The following TCF20 variants were observed in gnomAD, a reference collection of about 807,000 sequenced individuals.
The protein encoded by TCF20 is transcription factor 20, also known as SPRE-binding protein.
A neutral mutation model predicts 148.6 loss-of-function variants in TCF20; 3 were observed. That is an observed-to-expected ratio of 0.02 (90% confidence interval 0.01 to 0.05). The LOEUF (loss-of-function observed/expected upper bound fraction) is 0.05, where lower values mean the gene tolerates loss of function less well. TCF20 is among the 10% of genes least tolerant of loss of function. The probability of loss-of-function intolerance (pLI) is 1.00; values close to 1 mark genes in which losing one functional copy is unlikely to be tolerated. For missense variants in TCF20, 2,350 were observed against 2,429.3 expected (o/e 0.97, Z 0.69); for synonymous variants, 1,049 against 909.5 (o/e 1.15, Z -2.76).
At chr22:42,265,062 T>C (rs565187816) in intron 1 of TCF20, among the ~76,000 whole-genome samples, 2 of 152,376 alleles carry the variant, frequency 1.3e-5, no homozygotes, top group South Asian at 2.1e-4. Flanking sequence ...GCCACGGATA[T>C]ACCAGCTAAC....
In TCF20 at chr22:42,215,268, T is replaced by C. The variant is rs777252217; in HGVS notation, c.38A>G (p.Asn13Ser). Reference protein sequence around the residue: ...SFREQSSYHGNQQSYPQEVHG... With the variant: ...SFREQSSYHGSQQSYPQEVHG... ...TACCTCCTGTGGGTAGCTTTGCTGG[T>C]TTCCGTGGTAACTGCTTTGCTCCCG... The change falls in exon 2 of 6, where the codon AAC (asparagine) becomes AGC (serine). Residue 13 changes from asparagine to serine, a missense_variant. Coordinates refer to ENST00000677622, the MANE Select transcript of TCF20 (RefSeq NM_001378418.1). 8 of 1,614,070 alleles carry C rather than the reference T, an allele frequency of 5.0e-6. No individual in the cohort carries two copies. The South Asian group carries it at 7.7e-5, about 16-fold the overall frequency.
intron 1 of TCF20, among the ~76,000 whole-genome samples, chr22:42,245,201 C>CT (rs1351548373): frequency 6.6e-6 from 1 of 152,110 alleles, no homozygotes; most frequent in Non-Finnish European, 1.5e-5. Flanking sequence ...TCCCTTACTC[C>CT]TTTTTTTCTC....
intron 1 of TCF20, among the ~76,000 whole-genome samples, chr22:42,239,536 C>T (rs1226481538): frequency 6.6e-6 from 1 of 151,998 alleles, no homozygotes; most frequent in African/African-American, 2.4e-5. Context: ...GCCTGTAATC[C>T]CAGCACTTTG....
At chr22:42,288,060 C>T (rs1927063704), upstream of TCF20, among the ~76,000 whole-genome samples, 1 of 152,144 alleles carries the variant, frequency 6.6e-6, no homozygotes, top group South Asian at 2.1e-4. Context: ...ACAGAAAGCC[C>T]TCTTGAGCTC....
intron 3 of TCF20, among the ~76,000 whole-genome samples, chr22:42,174,771 C>T (rs945558209): frequency 5.3e-5 from 8 of 151,626 alleles, no homozygotes; most frequent in Non-Finnish European, 1.0e-4. Context: ...CGCGGTGGCT[C>T]ACGCCTGTAA....
chr22:42,294,664 C>G (rs754775949), intron 1 of TCF20, among the ~76,000 whole-genome samples: 9 of 152,194 alleles, frequency 5.9e-5, no homozygotes, highest in Non-Finnish European at 1.3e-4. Context: ...CTGGCAGGGA[C>G]TTGATGGAGA....
At chr22:42,339,136 G>A (rs1053569631) in intron 1 of TCF20, among the ~76,000 whole-genome samples, 8 of 152,174 alleles carry the variant, frequency 5.3e-5, no homozygotes, top group Non-Finnish European at 8.8e-5. Flanking sequence ...GACACACAGC[G>A]AAGCCACAGG....
At chr22:42,306,057 T>C (rs1012051450) in intron 1 of TCF20, among the ~76,000 whole-genome samples, 1 of 152,116 alleles carries the variant, frequency 6.6e-6, no homozygotes, top group African/African-American at 2.4e-5. Flanking sequence ...CATCTGAACA[T>C]GGGAAAAACC....
At chr22:42,194,187 TAAAC>T (rs1369172106) in intron 2 of TCF20, among the ~76,000 whole-genome samples, 2 of 152,184 alleles carry the variant, frequency 1.3e-5, no homozygotes, top group African/African-American at 2.4e-5. Flanking sequence ...TGGAAGATCT[TAAAC>T]AGAGAATCTT....
Position 42,242,202 on chromosome 22 carries a change from C to CAAA in TCF20, c.-36-26864_-36-26862dup, listed in dbSNP as rs151190006. On this transcript the variant is annotated intron_variant, in intron 1 of 5. Coordinates refer to ENST00000677622, the MANE Select transcript of TCF20 (RefSeq NM_001378418.1). ...TGGGCGACAGAGCGAGACTTCGCCT[C>CAAA]AAAAAAAAAAAAAAAAAAAAAAAAA... Among the ~76,000 whole-genome samples, 346 of 59,714 alleles carry CAAA rather than the reference C, an allele frequency of 5.8e-3. 17 individuals carry two copies. Among genetic ancestry groups the CAAA allele is most frequent in the African/African-American group, 0.025 (276 of 11,004 alleles). The allele number at this position is 59,714 out of a possible 152,430, so 39.2% of individuals were successfully genotyped here.
At chr22:42,303,899 G>A (rs1927385091) in intron 1 of TCF20, among the ~76,000 whole-genome samples, 1 of 151,772 alleles carries the variant, frequency 6.6e-6, no homozygotes, top group African/African-American at 2.4e-5. Context: ...GGGGGAGAGG[G>A]GAGAGAGAGA....
intron 5 of TCF20, among the ~76,000 whole-genome samples, chr22:42,162,932 C>A (rs1386338023): frequency 6.6e-6 from 1 of 152,162 alleles, no homozygotes; most frequent in East Asian, 1.9e-4. Context: ...GGCACAACAT[C>A]ACCACAGACA....
At chr22:42,225,856 G>T (rs1922841838) in intron 1 of TCF20, among the ~76,000 whole-genome samples, 1 of 152,126 alleles carries the variant, frequency 6.6e-6, no homozygotes, top group Non-Finnish European at 1.5e-5. Flanking sequence ...CAGTGCCCAG[G>T]CAAGTGTGCA....
intron 1 of TCF20, among the ~76,000 whole-genome samples, chr22:42,327,747 G>C (rs983890396): frequency 6.6e-6 from 1 of 151,376 alleles, no homozygotes; most frequent in Non-Finnish European, 1.5e-5. Context: ...GGACATTCCA[G>C]ATTCACAGAA....
Position 42,211,358 on chromosome 22 carries a change from G to A in TCF20, c.3948C>T (p.Ser1316=). 2 of 1,614,170 alleles carry A rather than the reference G, an allele frequency of 1.2e-6. No individual in the cohort carries two copies. The highest frequency in any genetic ancestry group is 1.6e-4 in the Middle Eastern group (1 of 6,062). The change falls in exon 2 of 6, where the codon TCC becomes TCT. Residue 1316 remains serine, a synonymous_variant. Coordinates refer to ENST00000677622, the MANE Select transcript of TCF20 (RefSeq NM_001378418.1). The part of the protein sequence containing the change: ...QDIKSIPKRD[S]SKDLPSPDSR... ...TATCTGGACTTGGAAGGTCCTTGGAGGAATCTCTCTTAGGGATAGACTTGA... is the reference window on the plus strand; with the variant it reads ...TATCTGGACTTGGAAGGTCCTTGGAAGAATCTCTCTTAGGGATAGACTTGA...
At chr22:42,328,818 C>A (rs905549264) in intron 1 of TCF20, among the ~76,000 whole-genome samples, 3 of 152,338 alleles carry the variant, frequency 2.0e-5, no homozygotes, top group African/African-American at 7.2e-5. Context: ...GGGGGGAAAG[C>A]CCCCACCCCA....
intron 2 of TCF20, among the ~76,000 whole-genome samples, chr22:42,206,133 C>T (rs16986035): frequency 0.29 from 44,788 of 152,000 alleles, 7,097 homozygotes; most frequent in East Asian, 0.64. Context: ...AGCCTGATTA[C>T]TGATTATCAA....
intron 1 of TCF20, among the ~76,000 whole-genome samples, chr22:42,223,242 G>GA (rs1328388317): frequency 2.6e-5 from 4 of 152,112 alleles, no homozygotes; most frequent in South Asian, 2.1e-4. Context: ...GAATGAGGGG[G>GA]AAAAATTAAT....
At chr22:42,323,111 G>A (rs570339375) in intron 1 of TCF20, among the ~76,000 whole-genome samples, 2 of 151,716 alleles carry the variant, frequency 1.3e-5, no homozygotes, top group East Asian at 3.9e-4. Context: ...TCTCCATGTT[G>A]GTCAGGCTGG....
Sources: allele counts gnomAD v4.1 joint callset (sites outside exome capture counted in the v4.1 genomes callset), GRCh38; gene constraint gnomAD v4.1.1; transcripts MANE v1.5; gene names NCBI Gene and HGNC (gene_info 2026-07-23, HGNC 2026-07-21).